CAMK2D: variants seen among roughly 807,000 people sequenced by gnomAD.
CAMK2D encodes calcium/calmodulin dependent protein kinase II delta.
A neutral mutation model predicts 84.0 loss-of-function variants in CAMK2D; 37 were observed. The observed-to-expected ratio is 0.44, with a 90% CI of 0.34 to 0.58. The LOEUF (loss-of-function observed/expected upper bound fraction) is 0.58. Among genes scored for constraint, CAMK2D ranks in the 20% least tolerant of loss-of-function variants. CAMK2D has a pLI of 0.02. For synonymous variants in CAMK2D, 202 were observed against 212.5 expected, an observed-to-expected ratio of 0.95 and a Z score of 0.43; for missense variants, 448 against 652.5, an observed-to-expected ratio of 0.69 and a Z score of 3.41.
chr4:113,608,135 G>A (rs2098985661), intron 4 of CAMK2D, among the ~76,000 whole-genome samples: 1 of 152,176 alleles, frequency 6.6e-6, no homozygotes, highest in South Asian at 2.1e-4. Flanking sequence ...AACTGAAAAT[G>A]TGGTAGTCAA....
At chr4:113,689,493 TCTCCAAC>T (rs2099376652) in intron 2 of CAMK2D, among the ~76,000 whole-genome samples, 3 of 152,150 alleles carry the variant, frequency 2.0e-5, no homozygotes, top group Non-Finnish European at 4.4e-5. Flanking sequence ...ACTCCCTGTC[TCTCCAAC>T]CTTATTTTAT....
intron 2 of CAMK2D, among the ~76,000 whole-genome samples, chr4:113,674,600 G>A (rs2099310587): frequency 6.6e-6 from 1 of 151,912 alleles, no homozygotes; most frequent in South Asian, 2.1e-4. Flanking sequence ...CTTCAAAGCT[G>A]GCAGACAAAA....
intron 2 of CAMK2D, among the ~76,000 whole-genome samples, chr4:113,682,691 A>G (rs1006234494): frequency 6.6e-6 from 1 of 152,180 alleles, no homozygotes; most frequent in Non-Finnish European, 1.5e-5. Context: ...AAAACCTATA[A>G]TTTGATATTT....
chr4:113,666,455 G>A (rs2099257570), intron 2 of CAMK2D, among the ~76,000 whole-genome samples: 1 of 152,080 alleles, frequency 6.6e-6, no homozygotes, highest in Non-Finnish European at 1.5e-5. Flanking sequence ...GGCTACAGAG[G>A]TGTGAAAACC....
chr4:113,677,429 G>A (rs576691451), intron 2 of CAMK2D: 1 of 168,594 alleles, frequency 5.9e-6, no homozygotes, highest in South Asian at 1.9e-4. Flanking sequence ...AATGCATTCA[G>A]AATAAACAGG....
chr4:113,675,957 G>C (rs2099316652), intron 2 of CAMK2D, among the ~76,000 whole-genome samples: 2 of 152,124 alleles, frequency 1.3e-5, no homozygotes, highest in South Asian at 4.2e-4. Flanking sequence ...AACTCCTTTA[G>C]TTCAGATTTT....
Position 113,612,835 on chromosome 4 carries a change from G to A in CAMK2D, c.221-3629C>T, listed in dbSNP as rs570864388. 2.0e-5 allele frequency among the ~76,000 whole-genome samples: 3 copies of A among 152,244 alleles called. No homozygotes were observed. In the South Asian group the frequency reaches 6.2e-4, roughly 32 times the overall value. On this transcript the variant is annotated intron_variant, in intron 3 of 20. Coordinates refer to ENST00000511664, the MANE Select transcript of CAMK2D (RefSeq NM_001321571.2). ...ATAAGGGGGATAAAAGTGCTTCTGA[G>A]GCTAAAAATAGTTCCAAAGGTTAGC...
At position 113,736,132 on chromosome 4, in the gene CAMK2D, T is replaced by TAA. The variant is rs5861147; in HGVS notation, c.160+23186_160+23187dup. ...TAGCCACCTGACTCACTAGTAGAAT[T>TAA]AAAAAAAAAAAAACAACACCCAGTA... On this transcript the variant is annotated intron_variant, in intron 2 of 20. Transcript: ENST00000511664. 3.3e-3 allele frequency among the ~76,000 whole-genome samples: 478 copies of TAA among 145,788 alleles called. 1 individual carries two copies. Among genetic ancestry groups the TAA allele is most frequent in the East Asian group, 0.018 (93 of 5,078 alleles).
chr4:113,658,975 T>G (rs2099215180), intron 3 of CAMK2D, among the ~76,000 whole-genome samples: 1 of 152,146 alleles, frequency 6.6e-6, no homozygotes, highest in Non-Finnish European at 1.5e-5. Context: ...CGCAAAAAGA[T>G]GTACACTGTG....
rs144814795 is a variant in CAMK2D at position 113,471,346 on chromosome 4, A to G, written c.1136-5742T>C. ...CATTCACTCCTCTGGCTCTGACCGCATGCTGAAGACTGCCAATTCTCTATC... is the reference window on the plus strand; with the variant it reads ...CATTCACTCCTCTGGCTCTGACCGCGTGCTGAAGACTGCCAATTCTCTATC... On this transcript the variant is annotated intron_variant, in intron 16 of 20. Coordinates refer to ENST00000511664, the MANE Select transcript of CAMK2D (RefSeq NM_001321571.2). Among the ~76,000 whole-genome samples the G allele has an allele frequency of 2.6e-5, 4 of 152,210 alleles. No individual in the cohort carries two copies. The East Asian group carries it at 7.7e-4, about 29-fold the overall frequency.
At chr4:113,752,699 T>C (rs1341340663) in intron 2 of CAMK2D, among the ~76,000 whole-genome samples, 1 of 152,142 alleles carries the variant, frequency 6.6e-6, no homozygotes, top group African/African-American at 2.4e-5. Flanking sequence ...GTTAATGAAT[T>C]AAGTTTACCA....
At chr4:113,514,791 G>A (rs1229400631) in intron 10 of CAMK2D, among the ~76,000 whole-genome samples, 3 of 151,986 alleles carry the variant, frequency 2.0e-5, no homozygotes, top group African/African-American at 7.3e-5. Flanking sequence ...TCTTAACCTT[G>A]TTCATGAGTA....
intron 17 of CAMK2D, among the ~76,000 whole-genome samples, chr4:113,462,266 A>ATG (rs143654780): frequency 0.085 from 9,087 of 107,394 alleles, 392 homozygotes; most frequent in Non-Finnish European, 0.099. Flanking sequence ...ATATTTGGAA[A>ATG]TGTGTGTGTG....
At chr4:113,550,270 T>C (rs2098615882) in intron 5 of CAMK2D, among the ~76,000 whole-genome samples, 1 of 152,168 alleles carries the variant, frequency 6.6e-6, no homozygotes, top group Non-Finnish European at 1.5e-5. Context: ...CCTCCCAGGT[T>C]CAAGTGATTC....
intron 8 of CAMK2D, among the ~76,000 whole-genome samples, chr4:113,522,709 A>AAT (rs2098377932): frequency 1.3e-5 from 2 of 152,352 alleles, no homozygotes; most frequent in South Asian, 4.1e-4. Context: ...AAAGCATTGC[A>AAT]TCACCTGTTC....
chr4:113,654,486 A>G (rs2099189910), intron 3 of CAMK2D, among the ~76,000 whole-genome samples: 1 of 152,020 alleles, frequency 6.6e-6, no homozygotes, highest in South Asian at 2.1e-4. Flanking sequence ...TATGCTGTCT[A>G]AAATGTAAAG....
At chr4:113,512,972 TA>T (rs2098236284) in intron 12 of CAMK2D, among the ~76,000 whole-genome samples, 1 of 152,176 alleles carries the variant, frequency 6.6e-6, no homozygotes, top group African/African-American at 2.4e-5. Flanking sequence ...ATATCAGTAA[TA>T]AATTCTAGGT....
At chr4:113,552,241 A>C in intron 4 of CAMK2D, 145 bp from the exon 5 acceptor site, 1 of 521,952 alleles carries the variant, frequency 1.9e-6, no homozygotes, top group Non-Finnish European at 3.5e-6. Flanking sequence ...CAGTGTTCGT[A>C]AGTCAAATCT....
intron 3 of CAMK2D, among the ~76,000 whole-genome samples, chr4:113,643,814 A>G (rs900185525): frequency 2.6e-5 from 4 of 152,220 alleles, no homozygotes; most frequent in Non-Finnish European, 5.9e-5. Context: ...TCAGAGTTGT[A>G]TCACCCTCTC....
Sources: allele counts gnomAD v4.1 joint callset (sites outside exome capture counted in the v4.1 genomes callset), GRCh38; gene constraint gnomAD v4.1.1; transcripts MANE v1.5; gene names NCBI Gene and HGNC (gene_info 2026-07-23, HGNC 2026-07-21).